The following COL4A1 variants were observed in gnomAD, a reference collection of about 807,000 sequenced individuals.
COL4A1 encodes the protein collagen type IV alpha 1 chain.
In COL4A1, 40 loss-of-function variants were observed where a neutral mutation model predicts 216.6. That is an observed-to-expected ratio of 0.18 (90% CI 0.14 to 0.24). The LOEUF is 0.24. Ranked by LOEUF, COL4A1 falls within the 10% of genes least tolerant of loss-of-function variation. The pLI, the probability that COL4A1 is intolerant of heterozygous loss-of-function variation, is 1.00. For synonymous variants in COL4A1, 839 were observed against 810.7 expected, an observed-to-expected ratio of 1.03 and a Z score of -0.59; for missense variants, 1,628 against 2,196.8, an observed-to-expected ratio of 0.74 and a Z score of 5.18.
chr13:110,230,584 G>T (rs74126123), intron 2 of COL4A1, among the ~76,000 whole-genome samples: 1 of 151,996 alleles, frequency 6.6e-6, no homozygotes, highest in Non-Finnish European at 1.5e-5. Flanking sequence ...ACCACGGGGA[G>T]CCTCCCCAGC....
chr13:110,183,485 A>G (rs867662477), intron 26 of COL4A1, among the ~76,000 whole-genome samples: 1 of 152,186 alleles, frequency 6.6e-6, no homozygotes, highest in Non-Finnish European at 1.5e-5. Context: ...ATGCGTTTGC[A>G]TGTCCAAAAT....
chr13:110,227,435 C>G (rs1398147684), intron 2 of COL4A1, among the ~76,000 whole-genome samples: 1 of 149,420 alleles, frequency 6.7e-6, no homozygotes, highest in African/African-American at 2.5e-5. Flanking sequence ...CAAACACACA[C>G]AAACACAGAA....
In COL4A1 at chr13:110,165,041, C is replaced by CTTAGAA. The variant is rs763056059; in HGVS notation, c.4022-52_4022-51insTTCTAA. On this transcript the variant is annotated intron_variant, in intron 45 of 51. Coordinates refer to ENST00000375820, the MANE Select transcript of COL4A1 (RefSeq NM_001845.6). ...CAATTTCACTGTCCACATACTGGGG[C>CTTAGAA]GGAAACAACTTTAGAAGGAGAATCC... 1,878 of 1,577,704 alleles carry CTTAGAA rather than the reference C, an allele frequency of 1.2e-3. 33 individuals are homozygous for CTTAGAA. The African/African-American group carries it at 0.025, about 21-fold the overall frequency.
chr13:110,180,357 C>T (rs1878089920), intron 29 of COL4A1, among the ~76,000 whole-genome samples: 1 of 152,178 alleles, frequency 6.6e-6, no homozygotes, highest in Non-Finnish European at 1.5e-5. Context: ...GACAAAGGTC[C>T]AAAGGTTTCT....
intron 21 of COL4A1, among the ~76,000 whole-genome samples, chr13:110,197,537 A>T (rs1878961428): frequency 6.6e-6 from 1 of 152,132 alleles, no homozygotes; most frequent in Non-Finnish European, 1.5e-5. Flanking sequence ...CCCATGTTTC[A>T]CACAATCACA....
intron 1 of COL4A1, among the ~76,000 whole-genome samples, chr13:110,298,077 A>C (rs1239242974): frequency 6.6e-6 from 1 of 152,184 alleles, no homozygotes; most frequent in Admixed American, 6.5e-5. Context: ...GATAACCTCC[A>C]TGGAAAAAAG....
chr13:110,219,866 G>GTGTATATA (rs1880359837), intron 2 of COL4A1, among the ~76,000 whole-genome samples: 1 of 66,620 alleles, frequency 1.5e-5, no homozygotes, highest in South Asian at 4.2e-4. Context: ...GTATATATGT[G>GTGTATATA]TGTGTATATA....
chr13:110,287,526 G>C lies in COL4A1; in HGVS notation c.84+19418C>G, dbSNP rs189492048. The stretch of plus-strand genomic sequence containing the variant: ...AATGAAATGAAGTGAGTTTACATTT[G>C]GGGCTCTCATTGTATCGGATGAACT... On this transcript the variant is annotated intron_variant, in intron 1 of 51. Transcript: ENST00000375820. Among the ~76,000 whole-genome samples the C allele has an allele frequency of 1.4e-4, 22 of 152,308 alleles. No homozygotes were observed. The East Asian group carries it at 4.1e-3, about 28-fold the overall frequency.
At chr13:110,229,195 A>ATGAGTGGACAG (rs1880892483) in intron 2 of COL4A1, among the ~76,000 whole-genome samples, 1 of 152,218 alleles carries the variant, frequency 6.6e-6, no homozygotes. Flanking sequence ...TTCACTTCAA[A>ATGAGTGGACAG]TGAGTGGACA....
At chr13:110,290,344 G>A (rs1032491457) in intron 1 of COL4A1, among the ~76,000 whole-genome samples, 4 of 152,154 alleles carry the variant, frequency 2.6e-5, no homozygotes, top group Non-Finnish European at 4.4e-5. Flanking sequence ...TGCAGCATTC[G>A]TTTTATCATT....
intron 20 of COL4A1, among the ~76,000 whole-genome samples, chr13:110,200,395 C>T (rs1253381556): frequency 2.0e-5 from 3 of 152,192 alleles, no homozygotes; most frequent in Non-Finnish European, 4.4e-5. Context: ...GGGCTGGGCA[C>T]AGCAGCTGGA....
chr13:110,266,498 A>G (rs551126503), intron 1 of COL4A1, among the ~76,000 whole-genome samples: 22 of 152,134 alleles, frequency 1.4e-4, no homozygotes, highest in Non-Finnish European at 3.1e-4. Context: ...TAAAACTCAA[A>G]ACTCATCTAG....
At chr13:110,259,314 G>A (rs960052514) in intron 1 of COL4A1, among the ~76,000 whole-genome samples, 11 of 152,108 alleles carry the variant, frequency 7.2e-5, no homozygotes, top group African/African-American at 2.7e-4. Flanking sequence ...GTGACTAATT[G>A]CATGATTCAC....
At chr13:110,159,018 C>T (rs1876937443) in intron 49 of COL4A1, among the ~76,000 whole-genome samples, 1 of 152,214 alleles carries the variant, frequency 6.6e-6, no homozygotes, top group Non-Finnish European at 1.5e-5. Context: ...GCTGGGATTA[C>T]AGGCGTGAGC....
In COL4A1 at chr13:110,177,161, C is replaced by A. The variant is rs936955988; in HGVS notation, c.2717-124G>T. The A allele has an allele frequency of 2.7e-6, 4 of 1,506,186 alleles. No homozygotes were observed. In the African/African-American group the frequency reaches 4.1e-5, roughly 16 times the overall value. The allele number at this position is 1,506,186 out of a possible 1,614,324, so 93.3% of individuals were successfully genotyped here. A position where few individuals can be genotyped will look rare whatever the true frequency, so the allele number is the denominator to read the frequency against. ...AGGCTACAAAGCACTCATAACTTGT[C>A]CAAAATGGCATTAATGGCCAGTGTC... On this transcript the variant is annotated intron_variant, in intron 33 of 51. Coordinates refer to ENST00000375820, the MANE Select transcript of COL4A1 (RefSeq NM_001845.6).
intron 2 of COL4A1, among the ~76,000 whole-genome samples, chr13:110,232,196 T>C (rs1195678167): frequency 6.6e-6 from 1 of 152,210 alleles, no homozygotes; most frequent in African/African-American, 2.4e-5. Flanking sequence ...AGCTAAGCTA[T>C]ATGAAGTATA....
At chr13:110,306,803 C>A (rs990796944) in intron 1 of COL4A1, 141 bp downstream of exon 1, 22 of 710,836 alleles carry the variant, frequency 3.1e-5, no homozygotes, top group Non-Finnish European at 4.5e-5. Flanking sequence ...CCCAACGAAC[C>A]CCGGCCCAGA....
chr13:110,290,086 C>T (rs1013847886), intron 1 of COL4A1, among the ~76,000 whole-genome samples: 1 of 152,236 alleles, frequency 6.6e-6, no homozygotes, highest in Admixed American at 6.5e-5. Context: ...TGACTCGGTG[C>T]TATTCTAAAC....
chr13:110,160,623 A>G (rs1434406335), intron 49 of COL4A1, among the ~76,000 whole-genome samples: 2 of 152,252 alleles, frequency 1.3e-5, no homozygotes, highest in African/African-American at 2.4e-5. Flanking sequence ...CAACCACCAC[A>G]GTGAGTCAGG....
Sources: allele counts gnomAD v4.1 joint callset (sites outside exome capture counted in the v4.1 genomes callset), GRCh38; gene constraint gnomAD v4.1.1; transcripts MANE v1.5; gene names NCBI Gene and HGNC (gene_info 2026-07-23, HGNC 2026-07-21).